Variants in RNF213 observed in about 807,000 individuals in gnomAD.
RNF213 encodes the protein E3 ubiquitin-protein ligase RNF213.
A neutral mutation model predicts 514.4 loss-of-function variants in RNF213; 341 were observed. That is an observed-to-expected ratio of 0.66 (90% CI 0.61 to 0.73). The LOEUF is 0.73. RNF213 is among the 30% of genes least tolerant of loss of function. The pLI, the probability that RNF213 is intolerant of heterozygous loss-of-function variation, is 0.00. For missense variants in RNF213, 5,767 were observed against 6,615.6 expected (o/e 0.87, Z 4.45); for synonymous variants, 2,655 against 2,658.2 (o/e 1.00, Z 0.04).
chr17:80,397,996 G>A lies in RNF213; in HGVS notation c.*4498G>A, dbSNP rs2080696607. ...GGCCCCCGAGGAGGATCAACGCAGTGGCTGAACACCGGGAAGGAACTGCCA... is the reference window on the plus strand; with the variant it reads ...GGCCCCCGAGGAGGATCAACGCAGTAGCTGAACACCGGGAAGGAACTGCCA... On this transcript the variant is annotated 3_prime_UTR_variant, in exon 68 of 68. Coordinates refer to ENST00000582970, the MANE Select transcript of RNF213 (RefSeq NM_001256071.3). The A allele has an allele frequency of 6.7e-6, 1 of 150,252 alleles. No homozygotes were observed. The highest frequency in any genetic ancestry group is 2.2e-4 in the South Asian group (1 of 4,508). 9.3% of individuals were successfully genotyped at this position (150,252 alleles called of 1,614,324 possible). A position where few individuals can be genotyped will look rare whatever the true frequency, so the allele number is the denominator to read the frequency against.
chr17:80,369,414 A>G (rs982810133), intron 44 of RNF213, 88 bp from the exon 45 acceptor site: 8 of 1,278,638 alleles, frequency 6.3e-6, no homozygotes, highest in African/African-American at 5.9e-5. Context: ...AAAAAAAAAA[A>G]GTGAAATGCT....
At position 80,346,034 on chromosome 17, in the gene RNF213, C is replaced by A. The variant is rs745851224; in HGVS notation, c.7699C>A (p.Arg2567=). ...CATTCCTCTGAGGCAGCTGGTATAC[C>A]GGGTCCATGCTCTGCCCCCGAGCCT... ...GSIPLRQLVY[R]VHALPPSLIP... Residue 2567 remains arginine, a synonymous_variant, in exon 29 of 68, where the codon CGG becomes AGG. Coordinates refer to ENST00000582970, the MANE Select transcript of RNF213 (RefSeq NM_001256071.3). The surrounding 1 kb of genome is among the most constrained non-coding windows in gnomAD (Gnocchi z 8.1). 6.2e-7 allele frequency: 1 copy of A among 1,614,144 alleles called. No individual in the cohort carries two copies. The highest frequency in any genetic ancestry group is 8.5e-7 in the Non-Finnish European group (1 of 1,180,032).
chr17:80,296,586 C>G (rs1403973807), intron 10 of RNF213, among the ~76,000 whole-genome samples: 1 of 152,236 alleles, frequency 6.6e-6, no homozygotes, highest in Non-Finnish European at 1.5e-5. Flanking sequence ...GCTCTGCACT[C>G]TCTCTGCGTG....
Position 80,337,736 on chromosome 17 carries a change from C to T in RNF213, c.4668+10C>T. 2.6e-6 allele frequency: 4 copies of T among 1,537,004 alleles called. No homozygotes were observed. The highest frequency in any genetic ancestry group is 3.5e-6 in the Non-Finnish European group (4 of 1,146,684). The stretch of plus-strand genomic sequence containing the variant: ...CAAAGGTGGCCAAAAGGTGAGCGGT[C>T]CCCAGCCCTCGGCGCAGCTGCGGCC... On this transcript the variant is annotated intron_variant, in intron 24 of 67. Transcript: ENST00000582970.
At chr17:80,329,340 CG>C (rs1296279835) in intron 20 of RNF213, among the ~76,000 whole-genome samples, 1 of 152,354 alleles carries the variant, frequency 6.6e-6, no homozygotes, top group South Asian at 2.1e-4. Context: ...AATTACAGAC[CG>C]GAAGTCATTT....
chr17:80,307,227 C>G, intron 13 of RNF213, 26 bp downstream of exon 13: 1 of 1,611,326 alleles, frequency 6.2e-7, no homozygotes, highest in Non-Finnish European at 8.5e-7. Context: ...GATGCAGTCT[C>G]TCCCTCACAT....
intron 63 of RNF213, 30 bp downstream of exon 63, chr17:80,386,921 TTTGGTGTGTCTGTTGTGAACAAGCAGCCC>T: frequency 6.3e-7 from 1 of 1,587,388 alleles, no homozygotes; most frequent in Non-Finnish European, 8.6e-7. Flanking sequence ...CTGCTGCTCA[TTTGGTGTGTCTGTTGTGAACAAGCAGCCC>T]TTGGTGTGTT....
chr17:80,274,206 G>A (rs982055391), intron 3 of RNF213, among the ~76,000 whole-genome samples: 2 of 152,100 alleles, frequency 1.3e-5, no homozygotes, highest in African/African-American at 4.8e-5. Context: ...TGTGCTGGCT[G>A]GCAGGTTACC....
intron 3 of RNF213, among the ~76,000 whole-genome samples, chr17:80,279,845 A>T (rs2044196306): frequency 6.6e-6 from 1 of 152,168 alleles, no homozygotes; most frequent in South Asian, 2.1e-4. Flanking sequence ...ATTAGGTAAC[A>T]CATGTAATGA....
At chr17:80,361,620 G>C in intron 38 of RNF213, 114 bp from the exon 39 acceptor site, 2 of 1,097,082 alleles carry the variant, frequency 1.8e-6, no homozygotes, top group Non-Finnish European at 2.8e-6. Flanking sequence ...CTTTGTCTAC[G>C]AGCTCCCATT....
At chr17:80,292,334 T>C (rs2044761845) in intron 8 of RNF213, among the ~76,000 whole-genome samples, 1 of 152,068 alleles carries the variant, frequency 6.6e-6, no homozygotes, top group African/African-American at 2.4e-5. Context: ...TCCCGAAGTG[T>C]TGGGATTACA....
chr17:80,364,333 C>T, intron 41 of RNF213, 100 bp from the exon 42 acceptor site: 2 of 1,560,616 alleles, frequency 1.3e-6, no homozygotes, highest in African/African-American at 1.4e-5. Flanking sequence ...GGGCCTGGAC[C>T]CCGGGTCCCG....
intron 39 of RNF213, among the ~76,000 whole-genome samples, chr17:80,362,257 T>C (rs2079084018): frequency 6.6e-6 from 1 of 152,252 alleles, no homozygotes; most frequent in Non-Finnish European, 1.5e-5. Context: ...GTCATACTTT[T>C]GACTACCTAA....
Position 80,344,982 on chromosome 17 carries a change from G to C in RNF213, c.6647G>C (p.Arg2216Pro). The change falls in exon 29 of 68, where the codon CGG becomes CCG. Residue 2216 changes from arginine (R) to proline (P), a missense_variant. This residue lies in a region of RNF213 where 1,377 missense variants were observed against 1,635.2 expected (regional missense o/e 0.84). Transcript: ENST00000582970. ...ATAAACCCATCCTGGTCAGAGCTTC[G>C]GAACTTTGCTCGGTTCCTGAATTAT... ...GVINPSWSELRNFARFLNYQL... is the reference protein window; with the variant it reads ...GVINPSWSELPNFARFLNYQL... 3 of 1,614,144 alleles carry C rather than the reference G, an allele frequency of 1.9e-6. No homozygotes were observed. The highest frequency in any genetic ancestry group is 2.5e-6 in the Non-Finnish European group (3 of 1,180,014).
At chr17:80,382,077 C>T (rs2080030374) in intron 57 of RNF213, 2 of 330,748 alleles carry the variant, frequency 6.0e-6, no homozygotes, top group East Asian at 7.1e-5. Flanking sequence ...AGGTCATTCC[C>T]CTACCATGCT....
chr17:80,301,535 A>T (rs1322886325), intron 11 of RNF213, among the ~76,000 whole-genome samples: 1 of 152,248 alleles, frequency 6.6e-6, no homozygotes, highest in African/African-American at 2.4e-5. Context: ...ACCAACAGGC[A>T]TATGAAAAAA....
chr17:80,302,787 G>T (rs1842688111), intron 11 of RNF213, among the ~76,000 whole-genome samples: 1 of 152,184 alleles, frequency 6.6e-6, no homozygotes, highest in African/African-American at 2.4e-5. Flanking sequence ...TTGAGCCAGG[G>T]AGGTCAAGGC....
chr17:80,262,786 A>G (rs943713393), intron 1 of RNF213, among the ~76,000 whole-genome samples: 2 of 152,194 alleles, frequency 1.3e-5, no homozygotes, highest in African/African-American at 4.8e-5. Flanking sequence ...GTTCAGGCCC[A>G]GCCTGAGTGA....
chr17:80,296,435 G>A (rs2044950450), intron 10 of RNF213, among the ~76,000 whole-genome samples: 1 of 152,216 alleles, frequency 6.6e-6, no homozygotes, highest in Non-Finnish European at 1.5e-5. Flanking sequence ...GACATCTGCA[G>A]AAGCAGCGTG....
Sources: gnomAD v4.1 joint callset for allele counts (sites outside exome capture counted in the v4.1 genomes callset) on GRCh38, gnomAD v4.1.1 for gene constraint, gnomAD v4.1.1 regional missense constraint, Gnocchi (gnomAD v3.1) non-coding constraint, MANE v1.5 for transcripts, NCBI Gene and HGNC (gene_info 2026-07-23, HGNC 2026-07-21) for gene names.